The following PRR5 variants were observed in gnomAD, a reference collection of about 807,000 sequenced individuals.
The protein encoded by PRR5 is proline rich 5, also known as proline-rich protein 5.
PRR5 carries 25 observed loss-of-function variants against 30.6 expected under a neutral mutation model. The ratio of observed to expected loss-of-function variants is 0.82; its 90% confidence interval spans 0.60 to 1.14. The LOEUF is 1.14. Among genes scored for constraint, PRR5 ranks in the 50% most tolerant of loss-of-function variants. The pLI, the probability that PRR5 is intolerant of heterozygous loss-of-function variation, is 0.00. For missense variants in PRR5, 600 were observed against 547.1 expected (o/e 1.10, Z -0.96); for synonymous variants, 286 against 247.1 (o/e 1.16, Z -1.48).
intron 1 of PRR5, among the ~76,000 whole-genome samples, chr22:44,707,988 C>T (rs1449579678): frequency 6.6e-6 from 1 of 152,124 alleles, no homozygotes; most frequent in Non-Finnish European, 1.5e-5. Context: ...GCTTCTCACT[C>T]ACTCCACACA....
intron 4 of PRR5, chr22:44,729,245 G>A (rs1183506496): frequency 2.2e-6 from 2 of 902,080 alleles, no homozygotes; most frequent in Non-Finnish European, 2.7e-6. Flanking sequence ...CGTGGCTTTT[G>A]TCACTGCCCT....
intron 2 of PRR5, among the ~76,000 whole-genome samples, chr22:44,722,698 C>G (rs1222585738): frequency 6.6e-6 from 1 of 152,202 alleles, no homozygotes; most frequent in African/African-American, 2.4e-5. Context: ...TATTGCATCT[C>G]CACCAGCACC....
At chr22:44,735,824 AG>A (rs1390766776) in intron 7 of PRR5, among the ~76,000 whole-genome samples, 2 of 152,148 alleles carry the variant, frequency 1.3e-5, no homozygotes, top group Admixed American at 1.3e-4. Flanking sequence ...CCTCATCCAG[AG>A]GGGCTCCCCG....
At chr22:44,718,805 C>T (rs912800168) in intron 2 of PRR5, among the ~76,000 whole-genome samples, 6 of 152,198 alleles carry the variant, frequency 3.9e-5, no homozygotes, top group African/African-American at 1.2e-4. Context: ...CTTTGGAGAA[C>T]TGTCTGTTCC....
chr22:44,708,125 G>A (rs1483544017), intron 1 of PRR5, among the ~76,000 whole-genome samples: 1 of 152,034 alleles, frequency 6.6e-6, no homozygotes, highest in South Asian at 2.1e-4. Context: ...ACTTGAATCC[G>A]GGAGACGGAG....
intron 4 of PRR5, chr22:44,730,196 G>A (rs1389265692): frequency 3.6e-5 from 35 of 985,308 alleles, no homozygotes; most frequent in Non-Finnish European, 4.1e-5. Context: ...TGAGAAAAAG[G>A]CAAAGGTCCC....
In PRR5 at chr22:44,730,278, G is replaced by A. The variant is rs545943460; in HGVS notation, c.323-1452G>A. The A allele has an allele frequency of 3.9e-4, 381 of 985,138 alleles. 2 individuals carry two copies. In the African/African-American group the frequency reaches 6.3e-3, roughly 16 times the overall value. The allele number at this position is 985,138 out of a possible 1,614,324, so 61.0% of individuals were successfully genotyped here. ...GGGGGCGCAGCCTGAGAGACAGCCG[G>A]CAACGCTTCCCTCTTCACTCAGAGG... On this transcript the variant is annotated intron_variant, in intron 4 of 7. Transcript: ENST00000336985.
At chr22:44,693,466 A>T (rs1262902403) in intron 1 of PRR5, among the ~76,000 whole-genome samples, 1 of 152,026 alleles carries the variant, frequency 6.6e-6, no homozygotes, top group Non-Finnish European at 1.5e-5. Flanking sequence ...CTCAAAAAAA[A>T]AGTGTCAGCA....
intron 1 of PRR5, among the ~76,000 whole-genome samples, chr22:44,688,378 C>A (rs115820363): frequency 1.3e-5 from 2 of 151,978 alleles, no homozygotes; most frequent in African/African-American, 4.8e-5. Context: ...AGCGAGACTT[C>A]GTCTCAAAAG....
chr22:44,725,229 A>T lies in PRR5; in HGVS notation c.216-15A>T, dbSNP rs759513633. 1 of 1,613,408 alleles carries T rather than the reference A, an allele frequency of 6.2e-7. No individual in the cohort carries two copies. Among genetic ancestry groups the T allele is most frequent in the Non-Finnish European group, 8.5e-7 (1 of 1,179,866 alleles). On this transcript the variant is annotated splice_polypyrimidine_tract_variant and intron_variant, in intron 2 of 7. Transcript: ENST00000336985. ...GTGGTCTGGGACTCACTCTTGTCTCACCTCCCACCCACAGGCAGCTGTTGA... is the reference window on the plus strand; with the variant it reads ...GTGGTCTGGGACTCACTCTTGTCTCTCCTCCCACCCACAGGCAGCTGTTGA...
intron 2 of PRR5, among the ~76,000 whole-genome samples, chr22:44,717,081 GATT>G (rs1929167222): frequency 6.6e-6 from 1 of 151,666 alleles, no homozygotes; most frequent in Non-Finnish European, 1.5e-5. Flanking sequence ...AAAATGAAAG[GATT>G]TTAATTATAC....
intron 1 of PRR5, among the ~76,000 whole-genome samples, chr22:44,678,226 C>G (rs1194722280): frequency 1.3e-5 from 2 of 152,034 alleles, no homozygotes. Context: ...TGTTCCTGCT[C>G]ACTCTCAGCC....
chr22:44,689,251 G>A (rs1190595764), intron 1 of PRR5, among the ~76,000 whole-genome samples: 3 of 152,036 alleles, frequency 2.0e-5, no homozygotes, highest in African/African-American at 4.8e-5. Context: ...GCCCACCTGC[G>A]TCCAGTTAGT....
chr22:44,675,207 G>A (rs532824163), upstream of PRR5, among the ~76,000 whole-genome samples: 298 of 151,738 alleles, frequency 2.0e-3, no homozygotes, highest in Admixed American at 2.6e-3. Context: ...CCGAGATCTC[G>A]TCACTGCACT....
At chr22:44,730,001 C>T (rs1921648604) in intron 4 of PRR5, 2 of 985,328 alleles carry the variant, frequency 2.0e-6, no homozygotes, top group South Asian at 4.7e-5. Flanking sequence ...CCCCCATCAC[C>T]CTCAGAGCCA....
intron 1 of PRR5, among the ~76,000 whole-genome samples, chr22:44,689,383 G>C (rs556500596): frequency 6.6e-6 from 1 of 152,330 alleles, no homozygotes; most frequent in Non-Finnish European, 1.5e-5. Context: ...CCCAGGGCCA[G>C]ATGTGGCTTG....
At chr22:44,732,130 CG>C (rs1922112243) in intron 5 of PRR5, 120 bp from the exon 6 acceptor site, 6 of 1,478,714 alleles carry the variant, frequency 4.1e-6, no homozygotes, top group Non-Finnish European at 4.6e-6. Flanking sequence ...CTGAGGAGAA[CG>C]GGGTGGAGGG....
intron 2 of PRR5, among the ~76,000 whole-genome samples, chr22:44,715,622 C>G (rs1928939231): frequency 6.6e-6 from 1 of 151,984 alleles, no homozygotes; most frequent in Non-Finnish European, 1.5e-5. Context: ...GAAACAGGAG[C>G]CTAAAGGATC....
intron 1 of PRR5, among the ~76,000 whole-genome samples, chr22:44,686,704 TG>T (rs1266278602): frequency 2.6e-5 from 4 of 152,148 alleles, no homozygotes; most frequent in African/African-American, 9.7e-5. Context: ...TTAGTAGAGA[TG>T]GGGTTTCACA....
Sources: gnomAD v4.1 joint callset for allele counts (sites outside exome capture counted in the v4.1 genomes callset) on GRCh38, gnomAD v4.1.1 for gene constraint, MANE v1.5 for transcripts, NCBI Gene and HGNC (gene_info 2026-07-23, HGNC 2026-07-21) for gene names.